Variants in DTX1 observed in about 807,000 individuals in gnomAD.
DTX1 encodes the protein E3 ubiquitin-protein ligase DTX1.
DTX1 carries 26 observed loss-of-function variants against 57.8 expected under a neutral mutation model. That is an observed-to-expected ratio of 0.45 (90% CI 0.33 to 0.62). The LOEUF (loss-of-function observed/expected upper bound fraction) is 0.62. Among genes scored for constraint, DTX1 ranks in the 20% least tolerant of loss-of-function variants. DTX1 has a pLI of 0.02. For missense variants in DTX1, 704 were observed against 895.3 expected (o/e 0.79, Z 2.73); for synonymous variants, 398 against 394.1 (o/e 1.01, Z -0.12).
chr12:113,076,480 G>C (rs1295274231), intron 2 of DTX1, among the ~76,000 whole-genome samples: 1 of 150,790 alleles, frequency 6.6e-6, no homozygotes, highest in Non-Finnish European at 1.5e-5. Context: ...AAAAAAAAGT[G>C]GGGCCGGTCA....
chr12:113,093,796 A>G lies in DTX1; in HGVS notation c.1165+96A>G. On this transcript the variant is annotated intron_variant, in intron 5 of 9. Transcript: ENST00000548759. The surrounding 1 kb of genome is among the most constrained non-coding windows in gnomAD (Gnocchi z 4.2). ...GGTCTCCAACTTATTCTTAGCATTT[A>G]CTACCTCACCTCCATTGCCTGATCT... 6.5e-7 allele frequency: 1 copy of G among 1,538,872 alleles called. No homozygotes were observed. The highest frequency in any genetic ancestry group is 8.8e-7 in the Non-Finnish European group (1 of 1,134,814).
At position 113,093,436 on chromosome 12, in the gene DTX1, A is replaced by ATGC; in HGVS notation, c.1004-103_1004-102insTGC. The ATGC allele has an allele frequency of 3.1e-5, 27 of 876,230 alleles. No homozygotes were observed. Among genetic ancestry groups the ATGC allele is most frequent in the Non-Finnish European group, 4.4e-5 (26 of 586,182 alleles). 54.3% of individuals were successfully genotyped at this position (876,230 alleles called of 1,614,324 possible). The stretch of plus-strand genomic sequence containing the variant: ...CTGAGTGGGTGGGGCCCAAGAGCGC[A>ATGC]ACCCTCCCACCCACCCGAGGGCCCC... On this transcript the variant is annotated intron_variant, in intron 4 of 9. Transcript: ENST00000548759. The surrounding 1 kb of genome is among the most constrained non-coding windows in gnomAD (Gnocchi z 4.2).
chr12:113,067,767 C>G lies in DTX1; in HGVS notation c.259+9316C>G, dbSNP rs566970752. 3.9e-5 allele frequency among the ~76,000 whole-genome samples: 6 copies of G among 152,212 alleles called. No homozygotes were observed. In the East Asian group the frequency reaches 1.2e-3, roughly 29 times the overall value. On this transcript the variant is annotated intron_variant, in intron 2 of 9. Transcript: ENST00000548759. ...AAATGTGAGGCCATTTGAGGTGGCT[C>G]ATGCCTGGAATCCCAGCACTTTGGG...
chr12:113,077,378 G>C lies in DTX1; in HGVS notation c.260-46G>C, dbSNP rs1566016735. The C allele has an allele frequency of 1.3e-6, 2 of 1,541,782 alleles. No homozygotes were observed. Among genetic ancestry groups the C allele is most frequent in the Middle Eastern group, 1.9e-4 (1 of 5,404 alleles). The stretch of plus-strand genomic sequence containing the variant: ...TGTGGCCCGCCCTTCCAGCCGCGCA[G>C]ACCAACGCCCGCTGTGCTGACGCCT... On this transcript the variant is annotated intron_variant, in intron 2 of 9. Coordinates refer to ENST00000548759, the MANE Select transcript of DTX1 (RefSeq NM_004416.3). This position sits in a 1 kb window ranked among gnomAD's most constrained non-coding sequence, Gnocchi z 7.8.
At chr12:113,089,097 G>A (rs1950227352) in intron 3 of DTX1, among the ~76,000 whole-genome samples, 1 of 152,220 alleles carries the variant, frequency 6.6e-6, no homozygotes, top group East Asian at 1.9e-4. Context: ...AAGTGAGGGA[G>A]TGTGCCATGA....
At position 113,077,904 on chromosome 12, in the gene DTX1, T is replaced by G; in HGVS notation, c.740T>G (p.Val247Gly). 1 of 1,240,164 alleles carries G rather than the reference T, an allele frequency of 8.1e-7. No individual in the cohort carries two copies. Among genetic ancestry groups the G allele is most frequent in the Non-Finnish European group, 1.0e-6 (1 of 997,330 alleles). 76.8% of individuals were successfully genotyped at this position (1,240,164 alleles called of 1,614,324 possible). A position where few individuals can be genotyped will look rare whatever the true frequency, so the allele number is the denominator to read the frequency against. Residue 247 changes from valine to glycine, a missense_variant, in exon 3 of 10, where the codon GTG becomes GGG. Val to Gly is a moderately radical substitution (Grantham distance 109). This residue lies in a region of DTX1 where 299 missense variants were observed against 311.2 expected (regional missense o/e 0.96). Coordinates refer to ENST00000548759, the MANE Select transcript of DTX1 (RefSeq NM_004416.3). The surrounding 1 kb of genome is among the most constrained non-coding windows in gnomAD (Gnocchi z 7.8). ...GGAGGGCCTCCAGGCGCGCTTGCCG[T>G]GCGCCCCAGCGCCACCTTCACAGGC... ...PPGGPPGALA[V>G]RPSATFTGAA... is the part of the protein sequence containing the mutation.
chr12:113,084,834 T>G (rs2044843900), intron 3 of DTX1, among the ~76,000 whole-genome samples: 1 of 152,208 alleles, frequency 6.6e-6, no homozygotes, highest in Admixed American at 6.5e-5. Context: ...AAAACCCAAG[T>G]TGACCAGCAT....
At chr12:113,096,679 C>T (rs1950299606) in intron 9 of DTX1, 36 bp from the exon 10 acceptor site, 2 of 1,570,560 alleles carry the variant, frequency 1.3e-6, no homozygotes, top group Middle Eastern at 1.7e-4. Context: ...CTGCCTGTGA[C>T]CTCCTCCCGG....
chr12:113,093,216 C>T lies in DTX1; in HGVS notation c.996C>T (p.Ala332=), dbSNP rs544046634. The T allele has an allele frequency of 8.7e-5, 138 of 1,594,682 alleles. No individual in the cohort carries two copies. The East Asian group carries it at 2.2e-3, about 26-fold the overall frequency. The stretch of plus-strand genomic sequence containing the variant: ...ATGGTACTGGGCCGGTCCATCCGGC[C>T]CTGGCAGGTGAGGTCTGGCCCAGGG... The part of the protein sequence containing the change: ...NLNGTGPVHP[A]LAGMTGILLC... The change falls in exon 4 of 10, where the codon GCC becomes GCT. Residue 332 remains alanine (A), a synonymous_variant. Transcript: ENST00000548759. The surrounding 1 kb of genome is among the most constrained non-coding windows in gnomAD (Gnocchi z 4.2).
chr12:113,093,105 C>T lies in DTX1; in HGVS notation c.942-57C>T, dbSNP rs1950259313. On this transcript the variant is annotated intron_variant, in intron 3 of 9. Coordinates refer to ENST00000548759, the MANE Select transcript of DTX1 (RefSeq NM_004416.3). This position sits in a 1 kb window ranked among gnomAD's most constrained non-coding sequence, Gnocchi z 4.2. ...CAGAGACAGAAGGCAAGCCAGGTCC[C>T]CTGACGTCGCTTCGGGGGCTGGAGT... is the stretch of plus-strand genomic sequence containing the variant. The T allele has an allele frequency of 3.9e-6, 6 of 1,546,206 alleles. No individual in the cohort carries two copies. Among genetic ancestry groups the T allele is most frequent in the Non-Finnish European group, 8.8e-7 (1 of 1,141,742 alleles).
intron 3 of DTX1, among the ~76,000 whole-genome samples, chr12:113,092,663 C>A (rs1950257132): frequency 6.6e-6 from 1 of 152,196 alleles, no homozygotes; most frequent in Non-Finnish European, 1.5e-5. Flanking sequence ...CAGGGCTTGT[C>A]AGAGCCTTTA....
intron 3 of DTX1, among the ~76,000 whole-genome samples, chr12:113,087,116 C>T (rs1047387265): frequency 1.7e-5 from 2 of 118,180 alleles, no homozygotes; most frequent in African/African-American, 3.2e-5. Context: ...GCTGGAGGAC[C>T]GGGAGGGTTG....
intron 6 of DTX1, 83 bp from the exon 7 acceptor site, chr12:113,094,706 A>T: frequency 6.6e-7 from 1 of 1,520,874 alleles, no homozygotes; most frequent in Non-Finnish European, 8.9e-7. Context: ...TCTGCTGCCT[A>T]TGGTGACCCA....
At chr12:113,066,954 C>G (rs2044707740) in intron 2 of DTX1, among the ~76,000 whole-genome samples, 1 of 152,060 alleles carries the variant, frequency 6.6e-6, no homozygotes, top group Non-Finnish European at 1.5e-5. Context: ...CCACCCTGGC[C>G]AAGCGCCTCT....
chr12:113,093,299 GC>G lies in DTX1; in HGVS notation c.1003+81del. ...GCTCCGCCTGTCACCCGGTGACCCC[GC>G]CCCCGAGATGGGCTGGTGAGCGTGG... On this transcript the variant is annotated intron_variant, in intron 4 of 9. Coordinates refer to ENST00000548759, the MANE Select transcript of DTX1 (RefSeq NM_004416.3). This position sits in a 1 kb window ranked among gnomAD's most constrained non-coding sequence, Gnocchi z 4.2. The G allele has an allele frequency of 6.7e-7, 1 of 1,493,930 alleles. No homozygotes were observed. The highest frequency in any genetic ancestry group is 9.1e-7 in the Non-Finnish European group (1 of 1,101,926). 92.5% of individuals were successfully genotyped at this position (1,493,930 alleles called of 1,614,324 possible).
intron 3 of DTX1, among the ~76,000 whole-genome samples, chr12:113,091,357 T>G (rs976333016): frequency 2.0e-5 from 3 of 152,100 alleles, no homozygotes; most frequent in African/African-American, 7.2e-5. Flanking sequence ...TATCCATGTA[T>G]ATGTTCATGG....
At chr12:113,070,529 G>T (rs1258688277) in intron 2 of DTX1, among the ~76,000 whole-genome samples, 1 of 152,216 alleles carries the variant, frequency 6.6e-6, no homozygotes, top group Non-Finnish European at 1.5e-5. Context: ...GGACCAGCAG[G>T]AGGAAGGCTC....
chr12:113,085,110 C>T (rs952133399), intron 3 of DTX1, among the ~76,000 whole-genome samples: 9 of 149,690 alleles, frequency 6.0e-5, no homozygotes, highest in African/African-American at 2.0e-4. Context: ...AGTGCAGTGG[C>T]GAGATCTCCA....
chr12:113,093,509 C>G lies in DTX1; in HGVS notation c.1004-30C>G, dbSNP rs371426051. The G allele has an allele frequency of 1.3e-6, 2 of 1,562,860 alleles. No individual in the cohort carries two copies. Among genetic ancestry groups the G allele is most frequent in the Non-Finnish European group, 8.7e-7 (1 of 1,154,274 alleles). The stretch of plus-strand genomic sequence containing the variant: ...GGGGGTTTGGGCGGGGATGGCGCCC[C>G]GCCCTGTGACTGCGCCCCCTAACCC... On this transcript the variant is annotated intron_variant, in intron 4 of 9. Transcript: ENST00000548759. This position sits in a 1 kb window ranked among gnomAD's most constrained non-coding sequence, Gnocchi z 4.2.
Sources: allele counts gnomAD v4.1 joint callset (sites outside exome capture counted in the v4.1 genomes callset), GRCh38; gene constraint gnomAD v4.1.1; regional missense constraint gnomAD v4.1.1; non-coding constraint Gnocchi (gnomAD v3.1); transcripts MANE v1.5; gene names NCBI Gene and HGNC (gene_info 2026-07-23, HGNC 2026-07-21).